KIAA0319: variants seen among roughly 807,000 people sequenced by gnomAD.
KIAA0319 encodes dyslexia-associated protein KIAA0319.
In KIAA0319, 83 loss-of-function variants were observed where a neutral mutation model predicts 108.4. That is an observed-to-expected ratio of 0.77 (90% CI 0.64 to 0.92). KIAA0319 has a LOEUF of 0.92. Among genes scored for constraint, KIAA0319 ranks in the 40% least tolerant of loss-of-function variants. KIAA0319 has a pLI of 0.00. For synonymous variants in KIAA0319, 484 were observed against 510.4 expected (o/e 0.95, Z 0.70); for missense variants, 1,195 against 1,322.4 (o/e 0.90, Z 1.49).
chr6:24,576,399 G>A lies in KIAA0319; in HGVS notation c.1703C>T (p.Pro568Leu), dbSNP rs554438841. 2.9e-5 allele frequency: 47 copies of A among 1,614,120 alleles called. No individual in the cohort carries two copies. In the Admixed American group the frequency reaches 3.2e-4, roughly 11 times the overall value. Residue 568 changes from proline (P) to leucine (L), a missense_variant, in exon 10 of 21, where the codon CCT (proline) becomes CTT (leucine). Pro to Leu is a moderately conservative substitution (Grantham distance 98). Coordinates refer to ENST00000378214, the MANE Select transcript of KIAA0319 (RefSeq NM_014809.4). Reference protein sequence around the residue: ...QIVLYEWSLGPGSEGKHVVMQ... With the variant: ...QIVLYEWSLGLGSEGKHVVMQ... Reference sequence around the variant, plus strand: ...GACCACATGTTTGCCCTCACTCCCAGGACCCAGGGACCACTCATAGAGGAC... The same window carrying A: ...GACCACATGTTTGCCCTCACTCCCAAGACCCAGGGACCACTCATAGAGGAC...
intron 2 of KIAA0319, among the ~76,000 whole-genome samples, chr6:24,597,191 T>C (rs573972928): frequency 6.6e-6 from 1 of 152,356 alleles, no homozygotes; most frequent in South Asian, 2.1e-4. Flanking sequence ...TAATACTTTG[T>C]TCCTCACATA....
At chr6:24,644,087 G>A (rs1777302526) in intron 1 of KIAA0319, among the ~76,000 whole-genome samples, 1 of 152,240 alleles carries the variant, frequency 6.6e-6, no homozygotes, top group Admixed American at 6.5e-5. Flanking sequence ...TGTCTATGTG[G>A]AGTCTGCTCA....
rs770007032 is a variant in KIAA0319, at chr6:24,566,737, G to C, written c.2152C>G (p.Pro718Ala). 6.2e-7 allele frequency: 1 copy of C among 1,606,590 alleles called. No individual in the cohort carries two copies. Among genetic ancestry groups the C allele is most frequent in the African/African-American group, 1.3e-5 (1 of 74,544 alleles). ...TVAVKKENNS[P>A]PRARAGGRHV... is the part of the protein sequence containing the mutation. ...CTGCCACCAGCCCGGGCTCTGGGAGGACTATTATTTTCTAAGTCAAATATA... is the reference window on the plus strand; with the variant it reads ...CTGCCACCAGCCCGGGCTCTGGGAGCACTATTATTTTCTAAGTCAAATATA... The change falls in exon 14 of 21, where the codon CCT (proline) becomes GCT (alanine). Residue 718 changes from proline to alanine, a missense_variant. Physicochemically the swap from Pro to Ala is conservative, Grantham distance 27 (BLOSUM62 -1). Coordinates refer to ENST00000378214, the MANE Select transcript of KIAA0319 (RefSeq NM_014809.4).
chr6:24,553,294 TACACACACACACACACACAC>T (rs71544276), intron 19 of KIAA0319, among the ~76,000 whole-genome samples: 6 of 91,064 alleles, frequency 6.6e-5, no homozygotes, highest in African/African-American at 1.9e-4. Flanking sequence ...TATATATATA[TACACACACACACACACACAC>T]ACACACACAC....
intron 1 of KIAA0319, among the ~76,000 whole-genome samples, chr6:24,602,175 C>A (rs530465806): frequency 6.6e-6 from 1 of 152,154 alleles, no homozygotes; most frequent in Non-Finnish European, 1.5e-5. Flanking sequence ...CACTACCACA[C>A]CCGGCTAATT....
chr6:24,569,351 CG>C (rs1764348495), intron 12 of KIAA0319, among the ~76,000 whole-genome samples: 1 of 152,158 alleles, frequency 6.6e-6, no homozygotes, highest in Non-Finnish European at 1.5e-5. Context: ...TCACTAAGAT[CG>C]GGGCTTGTCA....
chr6:24,605,864 G>A lies in KIAA0319; in HGVS notation c.-105-4656C>T, dbSNP rs13195150. On this transcript the variant is annotated intron_variant, in intron 1 of 20. Transcript: ENST00000378214. ...TACACTTATAGATTTCATTTTTATA[G>A]AAGACAGTTATTTTAACATGGTCAT... Among the ~76,000 whole-genome samples, 722 of 151,710 alleles carry A rather than the reference G, an allele frequency of 4.8e-3. 2 individuals carry two copies. Among genetic ancestry groups the A allele is most frequent in the Admixed American group, 8.3e-3 (127 of 15,238 alleles).
In KIAA0319 at chr6:24,642,215, G is replaced by T. The variant is rs1169212276; in HGVS notation, c.-106+3521C>A. Among the ~76,000 whole-genome samples the T allele has an allele frequency of 6.2e-5, 9 of 145,500 alleles. No individual in the cohort carries two copies. The East Asian group carries it at 1.6e-3, about 26-fold the overall frequency. On this transcript the variant is annotated intron_variant, in intron 1 of 20. Transcript: ENST00000378214. ...GAGAAAGAAAGAGAAAGAAGGAAAG[G>T]AAGGAAGGAAAGAAAGAGAAAGAAA...
In KIAA0319 at chr6:24,570,019, TG is replaced by T. The variant is rs1561956695; in HGVS notation, c.1874del (p.Pro625GlnfsTer11). On this transcript the variant is annotated frameshift_variant, in exon 12 of 21. Coordinates refer to ENST00000378214, the MANE Select transcript of KIAA0319 (RefSeq NM_014809.4). LOFTEE classifies it high-confidence loss of function. ...VIVQPENNRPPVAVAGPDKEL... is the reference protein window; with the variant it reads ...VIVQPENNRPXVAVAGPDKEL... ...CTTTATCAGGGCCGGCCACAGCCAC[TG>T]GAGGTCTATTGTTTTCTGGAATTAC... 1 of 1,614,080 alleles carries T rather than the reference TG, an allele frequency of 6.2e-7. No homozygotes were observed. The highest frequency in any genetic ancestry group is 1.1e-5 in the South Asian group (1 of 91,084).
chr6:24,640,920 C>T (rs1317435205), intron 1 of KIAA0319, among the ~76,000 whole-genome samples: 1 of 152,176 alleles, frequency 6.6e-6, no homozygotes, highest in Admixed American at 6.5e-5. Context: ...TCCCAAACCG[C>T]CGCAATTACA....
At chr6:24,628,436 T>G (rs1775024468) in intron 1 of KIAA0319, among the ~76,000 whole-genome samples, 1 of 152,238 alleles carries the variant, frequency 6.6e-6, no homozygotes, top group Admixed American at 6.5e-5. Context: ...GCAACTGCCC[T>G]GTGGGTTTTT....
intron 10 of KIAA0319, among the ~76,000 whole-genome samples, chr6:24,574,205 G>T (rs113476825): frequency 1.3e-5 from 2 of 152,100 alleles, no homozygotes; most frequent in East Asian, 3.9e-4. Context: ...AGGCCAAGGC[G>T]AGAAGATTTC....
chr6:24,591,664 A>G (rs1409809777), intron 3 of KIAA0319, among the ~76,000 whole-genome samples: 1 of 152,188 alleles, frequency 6.6e-6, no homozygotes, highest in Non-Finnish European at 1.5e-5. Flanking sequence ...CCAGCAGTGT[A>G]TGAGAGTTCC....
Position 24,601,142 on chromosome 6 carries a change from G to T in KIAA0319, c.-39C>A, listed in dbSNP as rs777218191. On this transcript the variant is annotated 5_prime_UTR_variant, in exon 2 of 21. Coordinates refer to ENST00000378214, the MANE Select transcript of KIAA0319 (RefSeq NM_014809.4). ...GTGGGTGATGGCAGGCTTCTGAGGC[G>T]GCCCTGAAGAGAGTTTGGTGCAAGC... 2 of 1,609,484 alleles carry T rather than the reference G, an allele frequency of 1.2e-6. No individual in the cohort carries two copies. Among genetic ancestry groups the T allele is most frequent in the African/African-American group, 2.7e-5 (2 of 74,734 alleles).
chr6:24,551,147 T>G (rs1761429529), intron 20 of KIAA0319, among the ~76,000 whole-genome samples: 1 of 137,176 alleles, frequency 7.3e-6, no homozygotes, highest in Admixed American at 7.0e-5. Context: ...CCCGGCTAAT[T>G]TTTTTTTTTT....
In KIAA0319 at chr6:24,547,467, C is replaced by G. The variant is rs184571085; in HGVS notation, c.3041-124G>C. 6,582 of 776,684 alleles carry G rather than the reference C, an allele frequency of 8.5e-3. 47 individuals carry two copies. The highest frequency in any genetic ancestry group is 0.012 in the Non-Finnish European group (5,754 of 491,454). 48.1% of individuals were successfully genotyped at this position (776,684 alleles called of 1,614,324 possible). ...GCTCTCCGCCCCTTGAAAGCAATCA[C>G]TCAAAACAGCAGGCGGTTTGGGTTT... On this transcript the variant is annotated intron_variant, in intron 20 of 20. Coordinates refer to ENST00000378214, the MANE Select transcript of KIAA0319 (RefSeq NM_014809.4).
intron 1 of KIAA0319, among the ~76,000 whole-genome samples, chr6:24,628,995 A>G (rs1775117984): frequency 6.6e-6 from 1 of 152,212 alleles, no homozygotes; most frequent in South Asian, 2.1e-4. Context: ...TTGTGGGGAC[A>G]CCACGCAACC....
chr6:24,590,509 G>A (rs1201331247), intron 3 of KIAA0319, among the ~76,000 whole-genome samples: 1 of 152,108 alleles, frequency 6.6e-6, no homozygotes. Flanking sequence ...AGAATAGCAC[G>A]AAATTCAAAA....
intron 1 of KIAA0319, among the ~76,000 whole-genome samples, chr6:24,639,189 C>T (rs1468034926): frequency 1.3e-5 from 2 of 151,976 alleles, no homozygotes; most frequent in Admixed American, 6.6e-5. Context: ...AGTTCTGAGC[C>T]GGATTAAAGT....
Sources: gnomAD v4.1 joint callset for allele counts (sites outside exome capture counted in the v4.1 genomes callset) on GRCh38, gnomAD v4.1.1 for gene constraint, MANE v1.5 for transcripts, NCBI Gene and HGNC (gene_info 2026-07-23, HGNC 2026-07-21) for gene names.